FOXP4: variants seen among roughly 807,000 people sequenced by gnomAD.
FOXP4 encodes the protein forkhead box P4, also known as forkhead box protein P4.
In FOXP4, 25 loss-of-function variants were observed where a neutral mutation model predicts 82.6. That is an observed-to-expected ratio of 0.30 (90% CI 0.22 to 0.42). The LOEUF (loss-of-function observed/expected upper bound fraction) is 0.42, where lower values mean the gene tolerates loss of function less well. Ranked by LOEUF, FOXP4 falls within the 10% of genes least tolerant of loss-of-function variation. The probability of loss-of-function intolerance (pLI) is 1.00; values close to 1 mark genes in which losing one functional copy is unlikely to be tolerated. For missense variants in FOXP4, 785 were observed against 900.9 expected, an observed-to-expected ratio of 0.87 and a Z score of 1.65; for synonymous variants, 415 against 388.2, an observed-to-expected ratio of 1.07 and a Z score of -0.81.
chr6:41,581,055 A>G (rs9394810), intron 3 of FOXP4, among the ~76,000 whole-genome samples: 4,951 of 152,310 alleles, frequency 0.033, 280 homozygotes, highest in East Asian at 0.18. Flanking sequence ...GATGGGGGCA[A>G]AGGTGGCTGG....
chr6:41,568,872 A>G (rs1454650771), intron 2 of FOXP4, among the ~76,000 whole-genome samples: 4 of 152,226 alleles, frequency 2.6e-5, no homozygotes, highest in Non-Finnish European at 5.9e-5. Context: ...GCTGAAACAA[A>G]CAGTGCTGAA....
At chr6:41,592,806 ACTACT>A (rs975960722) in intron 13 of FOXP4, among the ~76,000 whole-genome samples, 8 of 152,082 alleles carry the variant, frequency 5.3e-5, no homozygotes, top group African/African-American at 1.9e-4. Flanking sequence ...ACTTCCTTAA[ACTACT>A]CAGTGACCAT....
chr6:41,572,729 G>T (rs983225485), intron 2 of FOXP4, among the ~76,000 whole-genome samples: 1 of 152,124 alleles, frequency 6.6e-6, no homozygotes, highest in Non-Finnish European at 1.5e-5. Context: ...GTTTGTTTTG[G>T]CTGCCCCTCA....
At chr6:41,587,704 C>A (rs753992068) in intron 7 of FOXP4, 89 bp from the exon 8 acceptor site, 1 of 982,628 alleles carries the variant, frequency 1.0e-6, no homozygotes. Flanking sequence ...GCAGAAATGT[C>A]ACCAGCAGGG....
At position 41,565,949 on chromosome 6, in the gene FOXP4, C is replaced by G. The variant is rs1330981707; in HGVS notation, c.189C>G (p.His63Gln). 5 of 1,613,136 alleles carry G rather than the reference C, an allele frequency of 3.1e-6. No individual in the cohort carries two copies. The highest frequency in any genetic ancestry group is 1.3e-5 in the African/African-American group (1 of 74,926). ...NGEMSPAELL[H>Q]FQQQQALQVA... is the part of the protein sequence containing the mutation. ...AGATGAGTCCCGCAGAGCTGCTGCA[C>G]TTCCAGCAGCAACAGGTAGGAACTG... is the stretch of plus-strand genomic sequence containing the variant. The change falls in exon 2 of 17, where the codon CAC becomes CAG. Residue 63 changes from histidine (H) to glutamine (Q), a missense_variant. Coordinates refer to ENST00000307972, the MANE Select transcript of FOXP4 (RefSeq NM_001012426.2).
chr6:41,588,695 G>C lies in FOXP4; in HGVS notation c.1029G>C (p.Arg343=), dbSNP rs200939359. 79 of 1,613,966 alleles carry C rather than the reference G, an allele frequency of 4.9e-5. No individual in the cohort carries two copies. The highest frequency in any genetic ancestry group is 6.7e-5 in the Non-Finnish European group (79 of 1,180,016). ...ATGACCGGAGTACAGCCCAGTGCCG[G>C]GTACAGATGCAGGTGGTGCAGCAGC... ...ALDDRSTAQC[R]VQMQVVQQLE... Residue 343 remains arginine, a synonymous_variant, in exon 9 of 17, where the codon CGG becomes CGC. Coordinates refer to ENST00000307972, the MANE Select transcript of FOXP4 (RefSeq NM_001012426.2).
chr6:41,551,488 G>A (rs1229813184), intron 1 of FOXP4, among the ~76,000 whole-genome samples: 1 of 152,164 alleles, frequency 6.6e-6, no homozygotes, highest in African/African-American at 2.4e-5. Context: ...CACCTCCCTG[G>A]GCCCCATGCT....
intron 2 of FOXP4, among the ~76,000 whole-genome samples, chr6:41,577,218 A>G (rs1765536830): frequency 6.6e-6 from 1 of 152,188 alleles, no homozygotes; most frequent in Non-Finnish European, 1.5e-5. Flanking sequence ...CCAAGCCCAC[A>G]GCACGATGGT....
In FOXP4 at chr6:41,594,942, A is replaced by G; in HGVS notation, c.1609A>G (p.Thr537Ala). The G allele has an allele frequency of 6.2e-7, 1 of 1,614,184 alleles. No individual in the cohort carries two copies. The highest frequency in any genetic ancestry group is 8.5e-7 in the Non-Finnish European group (1 of 1,180,028). ...GGAGAACGTCAAGGGTGCCGTGTGG[A>G]CTGTGGACGAGCGGGAGTATCAGAA... ...RVENVKGAVW[T>A]VDEREYQKRR... The change falls in exon 14 of 17, where the codon ACT becomes GCT. Residue 537 changes from threonine (T) to alanine (A), a missense_variant. This residue lies in a region of FOXP4 where 31 missense variants were observed against 79.6 expected (regional missense o/e 0.39). Transcript: ENST00000307972.
chr6:41,589,973 T>G lies in FOXP4; in HGVS notation c.1160T>G (p.Val387Gly). 1 of 1,613,664 alleles carries G rather than the reference T, an allele frequency of 6.2e-7. No individual in the cohort carries two copies. The highest frequency in any genetic ancestry group is 8.5e-7 in the Non-Finnish European group (1 of 1,179,926). The change falls in exon 11 of 17, where the codon GTC becomes GGC. Residue 387 changes from valine (V) to glycine (G), a missense_variant. Val to Gly is a moderately radical substitution (Grantham distance 109, BLOSUM62 -3). This residue lies in a region of FOXP4 where 570 missense variants were observed against 634.0 expected (regional missense o/e 0.90). Transcript: ENST00000307972. ...CCCCGTTGCTCACAGCTGAACCCGG[T>G]CCCCGGCTCCTCCTCATTCTCCAAG... ...PKPFSQPLNP[V>G]PGSSSFSKVT... is the part of the protein sequence containing the mutation.
chr6:41,566,517 G>A (rs1381427370), intron 2 of FOXP4, among the ~76,000 whole-genome samples: 5 of 152,198 alleles, frequency 3.3e-5, no homozygotes, highest in African/African-American at 1.2e-4. Flanking sequence ...GGCTCAAACT[G>A]GGAATCCCTG....
chr6:41,566,526 TG>T (rs1312774741), intron 2 of FOXP4, among the ~76,000 whole-genome samples: 2 of 152,180 alleles, frequency 1.3e-5, no homozygotes, highest in Non-Finnish European at 1.5e-5. Context: ...TGGGAATCCC[TG>T]TCTGTGTCTT....
chr6:41,549,359 G>A (rs2127299315), intron 1 of FOXP4, among the ~76,000 whole-genome samples: 1 of 152,240 alleles, frequency 6.6e-6, no homozygotes, highest in South Asian at 2.1e-4. Flanking sequence ...GGTCCCACTT[G>A]CAAAGGGACC....
intron 1 of FOXP4, among the ~76,000 whole-genome samples, chr6:41,559,526 G>T (rs747097430): frequency 1.3e-5 from 2 of 152,170 alleles, no homozygotes; most frequent in Non-Finnish European, 2.9e-5. Context: ...AAAAAAAAGA[G>T]AAGGGGCTAG....
chr6:41,585,641 G>A (rs1258144011), intron 5 of FOXP4, 124 bp downstream of exon 5: 1 of 860,680 alleles, frequency 1.2e-6, no homozygotes, highest in African/African-American at 1.7e-5. Flanking sequence ...GCTGAGGAAG[G>A]GGACCAAGGA....
chr6:41,594,397 T>C (rs1766702117), intron 13 of FOXP4, among the ~76,000 whole-genome samples: 2 of 152,206 alleles, frequency 1.3e-5, no homozygotes, highest in South Asian at 4.1e-4. Context: ...TGAGGGTTTA[T>C]GAGCTCTTTC....
intron 1 of FOXP4, among the ~76,000 whole-genome samples, chr6:41,553,653 C>T (rs1764121607): frequency 1.3e-5 from 2 of 152,172 alleles, no homozygotes; most frequent in Admixed American, 1.3e-4. Flanking sequence ...ATCCTGTGTG[C>T]TCCAGGGGCT....
chr6:41,587,023 G>GC lies in FOXP4; in HGVS notation c.526dup (p.Gln176ProfsTer140), dbSNP rs1766172796. ...CCCCTCACCAGGCACTGGGGAACAAGCAGCTGGCCTTCCAGCAGCAGCTCC... is the reference window on the plus strand; with the variant it reads ...CCCCTCACCAGGCACTGGGGAACAAGCCAGCTGGCCTTCCAGCAGCAGCTCC... On this transcript the variant is annotated frameshift_variant, in exon 6 of 17. Coordinates refer to ENST00000307972, the MANE Select transcript of FOXP4 (RefSeq NM_001012426.2). LOFTEE classifies it high-confidence loss of function. The GC allele has an allele frequency of 6.3e-7, 1 of 1,593,542 alleles. No individual in the cohort carries two copies. The highest frequency in any genetic ancestry group is 1.7e-5 in the Admixed American group (1 of 59,396).
At chr6:41,566,963 T>A (rs983488183) in intron 2 of FOXP4, among the ~76,000 whole-genome samples, 1 of 152,222 alleles carries the variant, frequency 6.6e-6, no homozygotes, top group African/African-American at 2.4e-5. Context: ...AAGTTCACCC[T>A]GGGACTCTGC....
Sources: gnomAD v4.1 joint callset for allele counts (sites outside exome capture counted in the v4.1 genomes callset) on GRCh38, gnomAD v4.1.1 for gene constraint, gnomAD v4.1.1 regional missense constraint, MANE v1.5 for transcripts, NCBI Gene and HGNC (gene_info 2026-07-23, HGNC 2026-07-21) for gene names.